The following SH3RF2 variants were observed in gnomAD, a reference collection of about 807,000 sequenced individuals.
SH3RF2 encodes SH3 domain containing ring finger 2, also known as E3 ubiquitin-protein ligase SH3RF2.
Under a neutral mutation model 59.0 loss-of-function variants are expected in SH3RF2, and 43 were observed. The ratio of observed to expected loss-of-function variants is 0.73; its 90% confidence interval spans 0.57 to 0.94. The LOEUF (loss-of-function observed/expected upper bound fraction) is 0.94. SH3RF2 is among the 40% of genes least tolerant of loss of function. SH3RF2 has a pLI of 0.00. For synonymous variants in SH3RF2, 391 were observed against 391.5 expected (o/e 1.00, Z 0.01); for missense variants, 930 against 940.1 (o/e 0.99, Z 0.14).
chr5:145,948,230 G>A (rs1437404027), intron 2 of SH3RF2, among the ~76,000 whole-genome samples: 1 of 152,106 alleles, frequency 6.6e-6, no homozygotes, highest in Non-Finnish European at 1.5e-5. Context: ...AAACAAAATA[G>A]GAAAATATGA....
chr5:145,953,670 G>C (rs1758280738), intron 2 of SH3RF2, among the ~76,000 whole-genome samples: 1 of 152,068 alleles, frequency 6.6e-6, no homozygotes, highest in Admixed American at 6.5e-5. Flanking sequence ...ATTAAGCCTA[G>C]TACCCAAAAG....
chr5:145,937,307 A>G (rs1025766951), intron 1 of SH3RF2, among the ~76,000 whole-genome samples: 4 of 152,186 alleles, frequency 2.6e-5, no homozygotes, highest in Non-Finnish European at 5.9e-5. Flanking sequence ...GTGGGAAGGT[A>G]TATTGTGAAG....
intron 5 of SH3RF2, among the ~76,000 whole-genome samples, chr5:146,035,904 C>T (rs1304129008): frequency 6.6e-6 from 1 of 152,176 alleles, no homozygotes; most frequent in African/African-American, 2.4e-5. Flanking sequence ...GTGGCCTCAT[C>T]ACGGATCCCC....
exon 10 of SH3RF2, chr5:146,078,805 T>C (rs1763379358): frequency 6.6e-6 from 1 of 152,250 alleles, no homozygotes; most frequent in Admixed American, 6.5e-5. Flanking sequence ...TCTCACAGCT[T>C]GGCACCTAAC....
intron 5 of SH3RF2, among the ~76,000 whole-genome samples, chr5:146,041,275 C>G (rs1462439902): frequency 2.0e-5 from 3 of 152,196 alleles, no homozygotes; most frequent in Non-Finnish European, 4.4e-5. Context: ...GCCTCTTGTG[C>G]TAGCTCCCAG....
intron 2 of SH3RF2, among the ~76,000 whole-genome samples, chr5:145,991,281 A>G (rs1219718562): frequency 1.3e-5 from 2 of 152,220 alleles, no homozygotes; most frequent in African/African-American, 4.8e-5. Context: ...TTTCCTCATC[A>G]TAAAATAGGA....
intron 4 of SH3RF2, among the ~76,000 whole-genome samples, chr5:146,007,707 C>T (rs571701288): frequency 6.6e-6 from 1 of 152,268 alleles, no homozygotes; most frequent in Non-Finnish European, 1.5e-5. Flanking sequence ...TGACACTTCA[C>T]CTCTAAAATT....
At chr5:146,033,761 C>T (rs1419453436) in intron 5 of SH3RF2, among the ~76,000 whole-genome samples, 3 of 152,150 alleles carry the variant, frequency 2.0e-5, no homozygotes, top group Admixed American at 2.0e-4. Flanking sequence ...TGAGCCACTG[C>T]ACCTGGCCAT....
chr5:145,965,913 C>T (rs1758839775), intron 2 of SH3RF2, among the ~76,000 whole-genome samples: 1 of 152,144 alleles, frequency 6.6e-6, no homozygotes, highest in Non-Finnish European at 1.5e-5. Flanking sequence ...AGCATTTTAT[C>T]AGAAAAAGCT....
chr5:145,982,490 G>A (rs1314980075), intron 2 of SH3RF2, among the ~76,000 whole-genome samples: 2 of 152,206 alleles, frequency 1.3e-5, no homozygotes, highest in Admixed American at 6.5e-5. Context: ...TCTAGCAGGA[G>A]CCTCCCCTGG....
downstream of SH3RF2, among the ~76,000 whole-genome samples, chr5:146,065,169 G>C (rs1763074110): frequency 2.0e-5 from 3 of 151,984 alleles, no homozygotes; most frequent in South Asian, 6.2e-4. Context: ...ACAAACTTTG[G>C]GTCAATATCT....
chr5:146,000,290 A>T lies in SH3RF2; in HGVS notation c.611A>T (p.Asp204Val), dbSNP rs762138643. 6 of 1,613,700 alleles carry T rather than the reference A, an allele frequency of 3.7e-6. No homozygotes were observed. The highest frequency in any genetic ancestry group is 4.2e-6 in the Non-Finnish European group (5 of 1,179,856). The part of the protein sequence containing the change: ...ALYNFDLRGK[D>V]KSENQDCLTF... ...TACAACTTCGACCTACGAGGCAAGG[A>T]CAAGAGTGAGAACCAGGATTGCCTG... The change falls in exon 3 of 10, where the codon GAC becomes GTC. Residue 204 changes from aspartate to valine, a missense_variant. By Grantham distance (152) the Asp-to-Val change is radical. Coordinates refer to ENST00000359120, the MANE Select transcript of SH3RF2 (RefSeq NM_152550.4).
chr5:146,019,332 A>G (rs1761222666), intron 5 of SH3RF2, among the ~76,000 whole-genome samples: 1 of 152,214 alleles, frequency 6.6e-6, no homozygotes, highest in East Asian at 1.9e-4. Context: ...GCATGTGGCT[A>G]TTCAGTTTTC....
chr5:146,015,455 CACACACACACAA>C, intron 5 of SH3RF2, among the ~76,000 whole-genome samples: 1 of 152,296 alleles, frequency 6.6e-6, no homozygotes, highest in Middle Eastern at 3.4e-3. Context: ...CTCCTTCACA[CACACACACACAA>C]ACACACACAC....
chr5:145,983,231 T>G (rs923905082), intron 2 of SH3RF2, among the ~76,000 whole-genome samples: 8 of 149,402 alleles, frequency 5.4e-5, no homozygotes, highest in African/African-American at 7.5e-5. Context: ...AATTGGCAAA[T>G]GCTACAAACC....
intron 3 of SH3RF2, among the ~76,000 whole-genome samples, chr5:146,002,583 C>A (rs1760473652): frequency 6.6e-6 from 1 of 151,884 alleles, no homozygotes; most frequent in Non-Finnish European, 1.5e-5. Context: ...GCAGGGGCCC[C>A]CAACCCCAGG....
intron 4 of SH3RF2, among the ~76,000 whole-genome samples, chr5:146,013,070 A>C (rs748466684): frequency 2.6e-5 from 4 of 152,206 alleles, no homozygotes; most frequent in Non-Finnish European, 4.4e-5. Flanking sequence ...TAAAGGAAGT[A>C]GTAAAAGTCA....
At chr5:146,053,468 A>G (rs1055995527) in intron 7 of SH3RF2, among the ~76,000 whole-genome samples, 1 of 151,528 alleles carries the variant, frequency 6.6e-6, no homozygotes, top group Admixed American at 6.6e-5. Flanking sequence ...AAGAAATGCA[A>G]TCCTCCTCCT....
intron 7 of SH3RF2, chr5:146,050,056 C>G (rs1031493707): frequency 5.9e-5 from 9 of 152,138 alleles, no homozygotes; most frequent in Admixed American, 1.3e-4. Context: ...CGGGTCAGAC[C>G]TAGTCATATG....
Sources: gnomAD v4.1 joint callset for allele counts (sites outside exome capture counted in the v4.1 genomes callset) on GRCh38, gnomAD v4.1.1 for gene constraint, MANE v1.5 for transcripts, NCBI Gene and HGNC (gene_info 2026-07-23, HGNC 2026-07-21) for gene names.